The following GRM5 variants were observed in gnomAD, a reference collection of about 807,000 sequenced individuals.
The protein encoded by GRM5 is metabotropic glutamate receptor 5.
Under a neutral mutation model 83.1 loss-of-function variants are expected in GRM5, and 19 were observed. The ratio of observed to expected loss-of-function variants is 0.23; its 90% CI spans 0.16 to 0.34. GRM5 has a LOEUF of 0.34. Ranked by LOEUF, GRM5 falls within the 10% of genes least tolerant of loss-of-function variation. The probability of loss-of-function intolerance (pLI) is 1.00; values close to 1 mark genes in which losing one functional copy is unlikely to be tolerated. For synonymous variants in GRM5, 675 were observed against 633.6 expected (o/e 1.07, Z -0.98); for missense variants, 1,160 against 1,588.3 (o/e 0.73, Z 4.58).
intron 2 of GRM5, among the ~76,000 whole-genome samples, chr11:88,858,019 TAACA>T (rs1944503381): frequency 6.6e-6 from 1 of 152,076 alleles, no homozygotes; most frequent in Non-Finnish European, 1.5e-5. Flanking sequence ...AAAACTTTGT[TAACA>T]AACAGTTTTC....
chr11:88,713,432 A>G (rs1160309251), intron 3 of GRM5, among the ~76,000 whole-genome samples: 2 of 152,020 alleles, frequency 1.3e-5, no homozygotes, highest in African/African-American at 4.8e-5. Context: ...ATAAAGCTTT[A>G]ATACATTGTA....
At chr11:88,522,633 G>C (rs1941734064) in intron 9 of GRM5, among the ~76,000 whole-genome samples, 1 of 150,406 alleles carries the variant, frequency 6.6e-6, no homozygotes, top group African/African-American at 2.5e-5. Context: ...GTGTGTGTGT[G>C]TGTGTGTGTG....
At chr11:88,607,635 G>A (rs1332567444) in intron 4 of GRM5, among the ~76,000 whole-genome samples, 3 of 152,288 alleles carry the variant, frequency 2.0e-5, no homozygotes, top group East Asian at 1.9e-4. Context: ...ATACAGGAGC[G>A]TGCCTCATGG....
At chr11:88,971,188 T>C (rs1214735335) in intron 2 of GRM5, among the ~76,000 whole-genome samples, 2 of 152,170 alleles carry the variant, frequency 1.3e-5, no homozygotes, top group African/African-American at 2.4e-5. Flanking sequence ...TCAAATATGA[T>C]AGAGCTCCAG....
chr11:88,834,645 T>C lies in GRM5; in HGVS notation c.911+15261A>G, dbSNP rs373153473. 6.6e-5 allele frequency among the ~76,000 whole-genome samples: 10 copies of C among 152,348 alleles called. No individual in the cohort carries two copies. The South Asian group carries it at 1.9e-3, about 28-fold the overall frequency. On this transcript the variant is annotated intron_variant, in intron 3 of 9. Coordinates refer to ENST00000305447, the MANE Select transcript of GRM5 (RefSeq NM_001143831.3). The stretch of plus-strand genomic sequence containing the variant: ...TCTGGTCTTCCTTGTCTCACCACTT[T>C]ACTAATAATTTGACTTTTCCTAATC...
At chr11:88,663,501 A>G (rs1939958426) in intron 3 of GRM5, among the ~76,000 whole-genome samples, 1 of 152,242 alleles carries the variant, frequency 6.6e-6, no homozygotes, top group Admixed American at 6.5e-5. Flanking sequence ...CAATTTAGTA[A>G]GCAAAATGAT....
rs572898751 is a variant in GRM5, at chr11:88,819,799, G to A, written c.911+30107C>T. Among the ~76,000 whole-genome samples, 6 of 152,238 alleles carry A rather than the reference G, an allele frequency of 3.9e-5. No homozygotes were observed. In the South Asian group the frequency reaches 1.2e-3, roughly 32 times the overall value. ...GGAGGCTGGGCAGTCCAAGGTTCAA[G>A]GACCCATATCTGGCAAGCACTTTCT... On this transcript the variant is annotated intron_variant, in intron 3 of 9. Coordinates refer to ENST00000305447, the MANE Select transcript of GRM5 (RefSeq NM_001143831.3).
At chr11:88,699,523 C>A (rs1940979191) in intron 3 of GRM5, among the ~76,000 whole-genome samples, 1 of 152,172 alleles carries the variant, frequency 6.6e-6, no homozygotes, top group African/African-American at 2.4e-5. Context: ...GCCTCTCCAT[C>A]ATCTTCATCT....
chr11:88,790,795 G>A (rs1249155859), intron 3 of GRM5, among the ~76,000 whole-genome samples: 1 of 152,152 alleles, frequency 6.6e-6, no homozygotes, highest in Non-Finnish European at 1.5e-5. Context: ...GGAGCATTTA[G>A]GAGTAAAAAT....
intron 4 of GRM5, among the ~76,000 whole-genome samples, chr11:88,646,292 T>G (rs1230635599): frequency 6.6e-6 from 1 of 152,026 alleles, no homozygotes; most frequent in Non-Finnish European, 1.5e-5. Context: ...AAAATTATAC[T>G]CTTAATACTT....
At chr11:88,940,499 A>G (rs1483322100) in intron 2 of GRM5, among the ~76,000 whole-genome samples, 3 of 151,146 alleles carry the variant, frequency 2.0e-5, no homozygotes, top group Non-Finnish European at 3.0e-5. Flanking sequence ...ATAATGTCTT[A>G]CTACTCAAAA....
intron 2 of GRM5, among the ~76,000 whole-genome samples, chr11:88,960,533 G>C (rs778413948): frequency 1.2e-4 from 19 of 152,166 alleles, no homozygotes; most frequent in Non-Finnish European, 2.1e-4. Context: ...AATGCTTGGT[G>C]CAACAGACCT....
intron 9 of GRM5, among the ~76,000 whole-genome samples, chr11:88,524,610 C>T (rs1391030242): frequency 6.6e-6 from 1 of 152,210 alleles, no homozygotes; most frequent in Non-Finnish European, 1.5e-5. Context: ...TCCAAATACT[C>T]CGGTTTACTA....
At chr11:88,756,040 C>T (rs1190691110) in intron 3 of GRM5, among the ~76,000 whole-genome samples, 1 of 152,150 alleles carries the variant, frequency 6.6e-6, no homozygotes, top group Non-Finnish European at 1.5e-5. Flanking sequence ...CTCTTTGTAT[C>T]TGCTCCTAGC....
At chr11:88,765,192 T>A (rs1230120624) in intron 3 of GRM5, among the ~76,000 whole-genome samples, 1 of 151,352 alleles carries the variant, frequency 6.6e-6, no homozygotes, top group African/African-American at 2.4e-5. Flanking sequence ...GTAGTAAGGA[T>A]ATTGAGTCTG....
chr11:88,816,538 C>CAAAAAA (rs777360398), intron 3 of GRM5, among the ~76,000 whole-genome samples: 3 of 69,850 alleles, frequency 4.3e-5, no homozygotes, highest in East Asian at 3.7e-4. Flanking sequence ...GACTCCATCT[C>CAAAAAA]AAAAAAAAAA....
At chr11:88,534,555 A>G (rs1223486220) in intron 8 of GRM5, among the ~76,000 whole-genome samples, 1 of 152,216 alleles carries the variant, frequency 6.6e-6, no homozygotes, top group Non-Finnish European at 1.5e-5. Flanking sequence ...CGTTGTATCT[A>G]GGAAGTAACT....
At chr11:88,725,694 G>C (rs1260427011) in intron 3 of GRM5, among the ~76,000 whole-genome samples, 1 of 152,136 alleles carries the variant, frequency 6.6e-6, no homozygotes, top group Non-Finnish European at 1.5e-5. Flanking sequence ...GAGGAAACAG[G>C]CAGCAATTTT....
At chr11:88,980,554 G>T (rs1939487827) in intron 2 of GRM5, among the ~76,000 whole-genome samples, 1 of 152,134 alleles carries the variant, frequency 6.6e-6, no homozygotes, top group Non-Finnish European at 1.5e-5. Flanking sequence ...CGGGTGCGGT[G>T]GCTCACAACT....
Sources: gnomAD v4.1 joint callset for allele counts (sites outside exome capture counted in the v4.1 genomes callset) on GRCh38, gnomAD v4.1.1 for gene constraint, MANE v1.5 for transcripts, NCBI Gene and HGNC (gene_info 2026-07-23, HGNC 2026-07-21) for gene names.